Variants in DNAH9 observed in about 807,000 individuals in gnomAD.
DNAH9 encodes dynein axonemal heavy chain 9, also known as DNAH9 variant protein.
A neutral mutation model predicts 471.6 loss-of-function variants in DNAH9; 345 were observed. That is an observed-to-expected ratio of 0.73 (90% CI 0.67 to 0.80). The LOEUF is 0.80. Among genes scored for constraint, DNAH9 ranks in the 30% least tolerant of loss-of-function variants. The pLI is 0.00. For synonymous variants in DNAH9, 2,093 were observed against 2,123.6 expected (o/e 0.99, Z 0.40); for missense variants, 5,407 against 5,609.2 (o/e 0.96, Z 1.15).
chr17:11,968,634 T>C (rs1976936950), intron 68 of DNAH9, among the ~76,000 whole-genome samples: 1 of 152,232 alleles, frequency 6.6e-6, no homozygotes, highest in Non-Finnish European at 1.5e-5. Flanking sequence ...GTCCAGAATA[T>C]GGTAAGCACC....
chr17:11,775,866 A>AT (rs1402196249), intron 38 of DNAH9, among the ~76,000 whole-genome samples: 4 of 152,128 alleles, frequency 2.6e-5, no homozygotes, highest in Admixed American at 6.5e-5. Flanking sequence ...TGCTGGGATT[A>AT]TAGGCGTGAG....
intron 49 of DNAH9, among the ~76,000 whole-genome samples, chr17:11,844,837 A>G (rs1302853892): frequency 6.6e-6 from 1 of 152,190 alleles, no homozygotes; most frequent in Non-Finnish European, 1.5e-5. Flanking sequence ...TACTAAGCCT[A>G]GGACCCAATA....
At chr17:11,728,526 TA>T (rs1295865097) in intron 28 of DNAH9, among the ~76,000 whole-genome samples, 6 of 20,950 alleles carry the variant, frequency 2.9e-4, no homozygotes, top group Admixed American at 1.5e-3. Flanking sequence ...ATCTCTGACC[TA>T]AAAAAAAAAA....
At chr17:11,712,101 T>TATTATTCAATA in intron 26 of DNAH9, among the ~76,000 whole-genome samples, 1 of 115,920 alleles carries the variant, frequency 8.6e-6, no homozygotes, top group East Asian at 2.2e-4. Flanking sequence ...TATATTTATA[T>TATTATTCAATA]ATAAATATAT....
intron 1 of DNAH9, among the ~76,000 whole-genome samples, chr17:11,607,542 T>C (rs1597384249): frequency 6.6e-6 from 1 of 152,274 alleles, no homozygotes; most frequent in East Asian, 1.9e-4. Context: ...CTGTGCCTCG[T>C]CCTCTTGATA....
intron 58 of DNAH9, among the ~76,000 whole-genome samples, chr17:11,893,557 C>T (rs1034526468): frequency 6.6e-6 from 1 of 152,144 alleles, no homozygotes; most frequent in Non-Finnish European, 1.5e-5. Context: ...AAGTTCATGT[C>T]CTTTGCAGGG....
chr17:11,778,551 A>T (rs987892546), intron 38 of DNAH9, among the ~76,000 whole-genome samples: 2 of 151,994 alleles, frequency 1.3e-5, no homozygotes, highest in Admixed American at 6.6e-5. Flanking sequence ...TTACAAGGGT[A>T]TTCTTGTCTG....
At chr17:11,930,681 C>T (rs556552322) in intron 63 of DNAH9, among the ~76,000 whole-genome samples, 2 of 147,552 alleles carry the variant, frequency 1.4e-5, no homozygotes, top group Non-Finnish European at 3.0e-5. Context: ...AAGAGAATGG[C>T]GTGAACCTGG....
At chr17:11,608,976 T>A (rs1019835937) in intron 2 of DNAH9, among the ~76,000 whole-genome samples, 1 of 152,150 alleles carries the variant, frequency 6.6e-6, no homozygotes, top group Admixed American at 6.5e-5. Context: ...TTTGTTTCTA[T>A]CCCTTGGGAA....
chr17:11,871,676 G>A lies in DNAH9; in HGVS notation c.10132G>A (p.Gly3378Arg). 1.2e-6 allele frequency: 2 copies of A among 1,614,208 alleles called. No individual in the cohort carries two copies. Among genetic ancestry groups the A allele is most frequent in the Non-Finnish European group, 1.7e-6 (2 of 1,180,034 alleles). The change falls in exon 52 of 69, where the codon GGA becomes AGA. Residue 3378 changes from glycine to arginine, a missense_variant. By Grantham distance (125) the Gly-to-Arg change is moderately radical. Coordinates refer to ENST00000262442, the MANE Select transcript of DNAH9 (RefSeq NM_001372.4). ...CAAACAGCAGGAAAGGACGTTATGT[G>A]GAGACATTTTACTTATAACGGCTTT... The part of the protein sequence containing the change: ...NFKQQERTLC[G>R]DILLITAFIS...
chr17:11,850,487 A>G (rs1238790943), intron 49 of DNAH9, among the ~76,000 whole-genome samples: 1 of 152,108 alleles, frequency 6.6e-6, no homozygotes, highest in Non-Finnish European at 1.5e-5. Context: ...TGTCTCTACT[A>G]CTATACAAAA....
At chr17:11,676,275 CTTTTTTTT>C (rs67397847) in intron 17 of DNAH9, among the ~76,000 whole-genome samples, 2 of 73,882 alleles carry the variant, frequency 2.7e-5, no homozygotes, top group Non-Finnish European at 2.6e-5. Flanking sequence ...CATTTCTGTT[CTTTTTTTT>C]TTTTTTTTTT....
At position 11,838,401 on chromosome 17, in the gene DNAH9, T is replaced by TA. The variant is rs1970918014; in HGVS notation, c.9507+3509dup. Among the ~76,000 whole-genome samples the TA allele has an allele frequency of 6.6e-5, 10 of 152,232 alleles. No individual in the cohort carries two copies. The South Asian group carries it at 2.1e-3, about 32-fold the overall frequency. On this transcript the variant is annotated intron_variant, in intron 49 of 68. Transcript: ENST00000262442. Reference sequence around the variant, plus strand: ...GTGTTACATTAGCAGAAATAAAAATTAAAAAATTTCAGTGACTTGAGATCA... The same window carrying TA: ...GTGTTACATTAGCAGAAATAAAAATTAAAAAAATTTCAGTGACTTGAGATCA...
Position 11,911,988 on chromosome 17 carries a change from G to A in DNAH9, c.11749+6179G>A, listed in dbSNP as rs560155320. Among the ~76,000 whole-genome samples, 13 of 152,160 alleles carry A rather than the reference G, an allele frequency of 8.5e-5. No homozygotes were observed. The East Asian group carries it at 1.9e-3, about 23-fold the overall frequency. On this transcript the variant is annotated intron_variant, in intron 61 of 68. Transcript: ENST00000262442. ...CAAGACCATGTTATCTGCAAATTCAGATATTTATGTTTCTTCCTCTTTTAT... is the reference window on the plus strand; with the variant it reads ...CAAGACCATGTTATCTGCAAATTCAAATATTTATGTTTCTTCCTCTTTTAT...
chr17:11,805,793 T>TC (rs957551834), intron 43 of DNAH9, among the ~76,000 whole-genome samples: 8 of 151,914 alleles, frequency 5.3e-5, no homozygotes, highest in Non-Finnish European at 1.2e-4. Flanking sequence ...CCTCAGGTGA[T>TC]CCCCCCACCT....
chr17:11,824,638 GCTT>G (rs1970424391), intron 48 of DNAH9, among the ~76,000 whole-genome samples: 1 of 152,076 alleles, frequency 6.6e-6, no homozygotes, highest in African/African-American at 2.4e-5. Flanking sequence ...GTGTAATATT[GCTT>G]CTTCTTCTTA....
intron 59 of DNAH9, among the ~76,000 whole-genome samples, chr17:11,900,480 G>GCTCTT (rs1487504072): frequency 1.8e-5 from 2 of 111,874 alleles, no homozygotes; most frequent in African/African-American, 3.1e-5. Context: ...CCAGGCTTTA[G>GCTCTT]CTCTTCTTGA....
Position 11,932,132 on chromosome 17 carries a change from C to T in DNAH9, c.12224C>T (p.Ser4075Leu). 2 of 1,614,174 alleles carry T rather than the reference C, an allele frequency of 1.2e-6. No individual in the cohort carries two copies. The highest frequency in any genetic ancestry group is 1.1e-5 in the South Asian group (1 of 91,074). ...RKFGPQGWNRSYPFNTGDLTI... is the reference protein window; with the variant it reads ...RKFGPQGWNRLYPFNTGDLTI... ...TTTGGGCCCCAGGGATGGAATCGCT[C>T]ATACCCCTTTAACACTGGAGACCTC... The change falls in exon 64 of 69, where the codon TCA becomes TTA. Residue 4075 changes from serine (S) to leucine (L), a missense_variant. Transcript: ENST00000262442. The surrounding 1 kb of genome is among the most constrained non-coding windows in gnomAD (Gnocchi z 4.3).
intron 22 of DNAH9, 61 bp downstream of exon 22, chr17:11,694,508 C>T: frequency 6.3e-7 from 1 of 1,587,656 alleles, no homozygotes; most frequent in South Asian, 1.1e-5. Flanking sequence ...CAGCAGGAGG[C>T]AGTTTCTGGC....
Sources: gnomAD v4.1 joint callset for allele counts (sites outside exome capture counted in the v4.1 genomes callset) on GRCh38, gnomAD v4.1.1 for gene constraint, Gnocchi (gnomAD v3.1) non-coding constraint, MANE v1.5 for transcripts, NCBI Gene and HGNC (gene_info 2026-07-23, HGNC 2026-07-21) for gene names.